Variants in BCHE observed in about 807,000 individuals in gnomAD.
BCHE encodes the protein butyrylcholinesterase.
In BCHE, 48 loss-of-function variants were observed where a neutral mutation model predicts 51.3. The ratio of observed to expected loss-of-function variants is 0.94; its 90% confidence interval spans 0.74 to 1.19. BCHE has a LOEUF of 1.19. Ranked by LOEUF, BCHE falls within the 50% of genes most tolerant of loss-of-function variation. The pLI is 0.00. For missense variants in BCHE, 847 were observed against 708.2 expected (o/e 1.20, Z -2.23); for synonymous variants, 251 against 238.0 (o/e 1.05, Z -0.50).
At chr3:165,806,641 TA>T (rs1467642864) in intron 2 of BCHE, among the ~76,000 whole-genome samples, 1 of 152,182 alleles carries the variant, frequency 6.6e-6, no homozygotes, top group Non-Finnish European at 1.5e-5. Flanking sequence ...AAATATCAGA[TA>T]TTTTATGATC....
At chr3:165,834,594 T>C (rs1294019466) in intron 1 of BCHE, among the ~76,000 whole-genome samples, 2 of 151,990 alleles carry the variant, frequency 1.3e-5, no homozygotes, top group Non-Finnish European at 2.9e-5. Context: ...TTTTATAATC[T>C]GGTATTATCT....
At chr3:165,801,581 A>G (rs2108214435) in intron 2 of BCHE, among the ~76,000 whole-genome samples, 1 of 152,342 alleles carries the variant, frequency 6.6e-6, no homozygotes, top group Admixed American at 6.5e-5. Flanking sequence ...TTTTGAAATT[A>G]GAAATTTAAA....
intron 2 of BCHE, among the ~76,000 whole-genome samples, chr3:165,792,759 A>G (rs1427905707): frequency 4.6e-5 from 7 of 152,180 alleles, no homozygotes; most frequent in Non-Finnish European, 1.5e-5. Flanking sequence ...GCTCACTTTG[A>G]AAAATTCATT....
chr3:165,777,505 A>G (rs1279758762), intron 3 of BCHE, among the ~76,000 whole-genome samples: 1 of 152,152 alleles, frequency 6.6e-6, no homozygotes, highest in Non-Finnish European at 1.5e-5. Context: ...AGACATATCA[A>G]CTAAAAAGAT....
At position 165,807,548 on chromosome 3, in the gene BCHE, T is replaced by TTA. The variant is rs1285818922; in HGVS notation, c.1518-21238_1518-21237insTA. Among the ~76,000 whole-genome samples the TTA allele has an allele frequency of 3.8e-4, 58 of 150,888 alleles. 1 individual carries two copies. Among genetic ancestry groups the TTA allele is most frequent in the African/African-American group, 4.1e-4 (17 of 41,132 alleles). On this transcript the variant is annotated intron_variant, in intron 2 of 3. Transcript: ENST00000264381. ...TTTATTTATTTATTTATTTATTTAT[T>TTA]TTTATTTATTTATTTATTTTTCAGA...
chr3:165,799,772 G>A (rs142605359), intron 2 of BCHE, among the ~76,000 whole-genome samples: 295 of 151,966 alleles, frequency 1.9e-3, no homozygotes, highest in African/African-American at 6.7e-3. Context: ...TTTAATAATC[G>A]ATTTCAGATA....
At chr3:165,835,196 C>CT (rs10653588) in intron 1 of BCHE, among the ~76,000 whole-genome samples, 108 of 151,310 alleles carry the variant, frequency 7.1e-4, no homozygotes, top group Middle Eastern at 6.8e-3. Flanking sequence ...GGTGACAAAT[C>CT]TTTTTTTGTA....
intron 3 of BCHE, among the ~76,000 whole-genome samples, chr3:165,777,542 A>G (rs1290287649): frequency 6.6e-6 from 1 of 152,180 alleles, no homozygotes; most frequent in Non-Finnish European, 1.5e-5. Context: ...TAGTTTGTGA[A>G]TATTTATAAC....
chr3:165,829,574 G>C lies in BCHE; in HGVS notation c.1460C>G (p.Ala487Gly), dbSNP rs909318043. 6.2e-7 allele frequency: 1 copy of C among 1,613,676 alleles called. No homozygotes were observed. The highest frequency in any genetic ancestry group is 1.3e-5 in the African/African-American group (1 of 74,970). ...PLERRDNYTK[A>G]EEILSRSIVK... ...TATGGATCTACTCAAAATTTCCTCG[G>C]CTTTTGTGTAATTATCTCTTCTTTC... Residue 487 changes from alanine (A) to glycine (G), a missense_variant, in exon 2 of 4, where the codon GCC (alanine) becomes GGC (glycine). Coordinates refer to ENST00000264381, the MANE Select transcript of BCHE (RefSeq NM_000055.4).
intron 3 of BCHE, among the ~76,000 whole-genome samples, chr3:165,781,151 T>C (rs1317932450): frequency 2.0e-5 from 3 of 152,062 alleles, no homozygotes; most frequent in Non-Finnish European, 4.4e-5. Context: ...CTCAGGAGGC[T>C]GAGGCAGGAA....
chr3:165,826,170 A>C (rs1395930260), intron 2 of BCHE, among the ~76,000 whole-genome samples: 2 of 152,174 alleles, frequency 1.3e-5, no homozygotes, highest in Non-Finnish European at 2.9e-5. Context: ...GAGAAAAAAA[A>C]CATCTTCTAC....
chr3:165,831,155 CA>C, intron 1 of BCHE, 114 bp from the exon 2 acceptor site: 1 of 955,818 alleles, frequency 1.0e-6, no homozygotes, highest in Non-Finnish European at 1.5e-6. Flanking sequence ...ATTATGAAAA[CA>C]AATAAACCTG....
intron 2 of BCHE, among the ~76,000 whole-genome samples, chr3:165,807,037 T>TG (rs1162293759): frequency 2.0e-5 from 3 of 152,014 alleles, no homozygotes; most frequent in African/African-American, 7.2e-5. Context: ...ATTACTTTTT[T>TG]GGGGGGTTGG....
intron 3 of BCHE, among the ~76,000 whole-genome samples, chr3:165,783,887 A>C (rs1416804881): frequency 6.6e-6 from 1 of 152,072 alleles, no homozygotes; most frequent in Non-Finnish European, 1.5e-5. Flanking sequence ...GGTGCATGCA[A>C]TAACAGCATA....
At chr3:165,835,864 A>T (rs1356967294) in intron 1 of BCHE, among the ~76,000 whole-genome samples, 1 of 151,950 alleles carries the variant, frequency 6.6e-6, no homozygotes, top group Admixed American at 6.6e-5. Context: ...ATCTCCTCTT[A>T]GGTTGCTATC....
chr3:165,819,074 CTTTT>C (rs5854159), intron 2 of BCHE, among the ~76,000 whole-genome samples: 9 of 136,596 alleles, frequency 6.6e-5, no homozygotes, highest in South Asian at 2.3e-4. Flanking sequence ...TTTTTAACTT[CTTTT>C]TTTTTTTTTT....
At chr3:165,794,003 C>T (rs901494346) in intron 2 of BCHE, among the ~76,000 whole-genome samples, 1 of 151,398 alleles carries the variant, frequency 6.6e-6, no homozygotes, top group South Asian at 2.1e-4. Flanking sequence ...GCCAAGATTG[C>T]GCCACTGCAC....
chr3:165,818,317 T>A (rs1714382964), intron 2 of BCHE, among the ~76,000 whole-genome samples: 1 of 152,028 alleles, frequency 6.6e-6, no homozygotes, highest in South Asian at 2.1e-4. Context: ...GAATGGTAAC[T>A]TCATAAGGAG....
chr3:165,773,581 A>G, intron 3 of BCHE, 75 bp from the exon 4 acceptor site: 1 of 1,365,122 alleles, frequency 7.3e-7, no homozygotes, highest in Non-Finnish European at 1.0e-6. Context: ...TTTCGAATAC[A>G]AAAGCCATTT....
Sources: gnomAD v4.1 joint callset for allele counts (sites outside exome capture counted in the v4.1 genomes callset) on GRCh38, gnomAD v4.1.1 for gene constraint, MANE v1.5 for transcripts, NCBI Gene and HGNC (gene_info 2026-07-23, HGNC 2026-07-21) for gene names.